Variants in ABCA4 observed in about 807,000 individuals in gnomAD.
ABCA4 encodes the protein ATP binding cassette subfamily A member 4.
In ABCA4, 196 loss-of-function variants were observed where a neutral mutation model predicts 263.7. That is an observed-to-expected ratio of 0.74 (90% CI 0.66 to 0.84). The LOEUF (loss-of-function observed/expected upper bound fraction) is 0.84, where lower values mean the gene tolerates loss of function less well. Ranked by LOEUF, ABCA4 falls within the 40% of genes least tolerant of loss-of-function variation. The probability of loss-of-function intolerance (pLI) is 0.00; values close to 1 mark genes in which losing one functional copy is unlikely to be tolerated. For missense variants in ABCA4, 2,792 were observed against 2,855.1 expected (o/e 0.98, Z 0.50); for synonymous variants, 1,133 against 1,094.2 (o/e 1.04, Z -0.70).
At position 94,050,675 on chromosome 1, in the gene ABCA4, T is replaced by TA. The variant is rs755228809; in HGVS notation, c.2653+957dup. Among the ~76,000 whole-genome samples, 154 of 151,786 alleles carry TA rather than the reference T, an allele frequency of 1.0e-3. 2 individuals carry two copies. The highest frequency in any genetic ancestry group is 2.1e-3 in the Non-Finnish European group (144 of 67,962). On this transcript the variant is annotated intron_variant, in intron 17 of 49. Coordinates refer to ENST00000370225, the MANE Select transcript of ABCA4 (RefSeq NM_000350.3). The stretch of plus-strand genomic sequence containing the variant: ...TTATTATATGATAATTTTATTATAG[T>TA]AAAAAATTAACAAGTTTACAGGTAG...
intron 11 of ABCA4, among the ~76,000 whole-genome samples, chr1:94,077,013 T>C (rs492220): frequency 0.26 from 38,897 of 152,156 alleles, 5,386 homozygotes; most frequent in Non-Finnish European, 0.31. Flanking sequence ...CCCTGGCTTC[T>C]CATCTGCAAA....
chr1:94,038,479 C>A (rs1195274749), intron 24 of ABCA4, among the ~76,000 whole-genome samples: 2 of 152,092 alleles, frequency 1.3e-5, no homozygotes, highest in African/African-American at 4.8e-5. Flanking sequence ...AAAAAATGAT[C>A]CATATGAAGG....
chr1:94,030,672 A>AGGACCCGACG, intron 28 of ABCA4, 146 bp from the exon 29 acceptor site: 1 of 854,664 alleles, frequency 1.2e-6, no homozygotes, highest in Non-Finnish European at 1.9e-6. Flanking sequence ...CTCTCCTGGG[A>AGGACCCGACG]GTGCGGTAGG....
chr1:94,116,031 C>T (rs1662748824), intron 1 of ABCA4, among the ~76,000 whole-genome samples: 1 of 152,186 alleles, frequency 6.6e-6, no homozygotes, highest in African/African-American at 2.4e-5. Context: ...AGTGCATTGT[C>T]ATCCTCCCTT....
intron 10 of ABCA4, 139 bp downstream of exon 10, chr1:94,078,451 G>T (rs1386034492): frequency 4.4e-6 from 3 of 677,358 alleles, no homozygotes; most frequent in Non-Finnish European, 7.8e-6. Flanking sequence ...TGGAATGAAG[G>T]CCTTTGGGGC....
At chr1:94,105,621 T>G (rs757217039) in intron 4 of ABCA4, among the ~76,000 whole-genome samples, 1 of 24,128 alleles carries the variant, frequency 4.1e-5, no homozygotes, top group Non-Finnish European at 7.9e-5. Context: ...GGCTTGGGGG[T>G]GGGGCTGCTG....
At position 94,030,489 on chromosome 1, in the gene ABCA4, CA is replaced by C. The variant is rs745544039; in HGVS notation, c.4290del (p.Ala1431GlnfsTer5). 1.2e-6 allele frequency: 2 copies of C among 1,614,234 alleles called. No homozygotes were observed. The highest frequency in any genetic ancestry group is 2.2e-5 in the South Asian group (2 of 91,086). On this transcript the variant is annotated frameshift_variant, in exon 29 of 50. Coordinates refer to ENST00000370225, the MANE Select transcript of ABCA4 (RefSeq NM_000350.3). LOFTEE classifies it high-confidence loss of function. ...CCTGGCTTATTCAGGAGGACGTCTG[CA>C]AGTACCGTGAACTGCTCACTGCCTG... The part of the protein sequence containing the change: ...DEPGSEQFTV[L>X]ADVLLNKPGF...
chr1:94,070,266 G>A (rs532640230), intron 11 of ABCA4, among the ~76,000 whole-genome samples: 172 of 152,270 alleles, frequency 1.1e-3, no homozygotes, highest in South Asian at 2.3e-3. Flanking sequence ...AAACAGCAAA[G>A]TTGCCTCCAA....
At chr1:94,091,868 C>T (rs1661978754) in intron 6 of ABCA4, among the ~76,000 whole-genome samples, 1 of 152,192 alleles carries the variant, frequency 6.6e-6, no homozygotes, top group Admixed American at 6.5e-5. Context: ...ATGATTCCGG[C>T]CCTAAGAGGT....
In ABCA4 at chr1:94,031,978, C is replaced by G; in HGVS notation, c.3928G>C (p.Ala1310Pro). 6.2e-7 allele frequency: 1 copy of G among 1,614,018 alleles called. No individual in the cohort carries two copies. Among genetic ancestry groups the G allele is most frequent in the Middle Eastern group, 1.6e-4 (1 of 6,062 alleles). The change falls in exon 27 of 50, where the codon GCT becomes CCT. Residue 1310 changes from alanine to proline, a missense_variant. Physicochemically the swap from Ala to Pro is conservative, Grantham distance 27. Coordinates refer to ENST00000370225, the MANE Select transcript of ABCA4 (RefSeq NM_000350.3). Reference sequence around the variant, plus strand: ...TTGGAGTCCTGGGGTGTCTGTCCAGCCTTCTCTCTGGGACCCAAGCAGGGG... The same window carrying G: ...TTGGAGTCCTGGGGTGTCTGTCCAGGCTTCTCTCTGGGACCCAAGCAGGGG... ...RHPCLGPREK[A>P]GQTPQDSNVC...
rs1661188241 is a variant in ABCA4 at position 94,063,586 on chromosome 1, T to C, written c.1555-269A>G. On this transcript the variant is annotated intron_variant, in intron 11 of 49. Transcript: ENST00000370225. Reference sequence around the variant, plus strand: ...ACCACACTTTCCAGATGTCCAAGGCTGTCCAAATATGCAAGTCTTCAAAAT... The same window carrying C: ...ACCACACTTTCCAGATGTCCAAGGCCGTCCAAATATGCAAGTCTTCAAAAT... Among the ~76,000 whole-genome samples, 4 of 152,242 alleles carry C rather than the reference T, an allele frequency of 2.6e-5. No individual in the cohort carries two copies. In the South Asian group the frequency reaches 8.3e-4, roughly 32 times the overall value.
At chr1:94,022,854 A>G (rs995875809) in intron 32 of ABCA4, among the ~76,000 whole-genome samples, 3 of 152,180 alleles carry the variant, frequency 2.0e-5, no homozygotes, top group African/African-American at 7.2e-5. Flanking sequence ...TGCCCAGGAA[A>G]GCACATACAT....
In ABCA4 at chr1:93,996,688, A is replaced by T. The variant is rs534246117; in HGVS notation, c.6730-493T>A. 5.3e-5 allele frequency among the ~76,000 whole-genome samples: 8 copies of T among 152,238 alleles called. No homozygotes were observed. In the South Asian group the frequency reaches 6.2e-4, roughly 12 times the overall value. Reference sequence around the variant, plus strand: ...ACTGTCTCTAAAGATGTTTATTTTTAAAAAAACATATATAAAAACACAAAA... The same window carrying T: ...ACTGTCTCTAAAGATGTTTATTTTTTAAAAAACATATATAAAAACACAAAA... On this transcript the variant is annotated intron_variant, in intron 48 of 49. Coordinates refer to ENST00000370225, the MANE Select transcript of ABCA4 (RefSeq NM_000350.3).
intron 37 of ABCA4, among the ~76,000 whole-genome samples, 155 bp from the exon 38 acceptor site, chr1:94,014,845 C>A (rs1659680118): frequency 1.3e-5 from 2 of 152,226 alleles, no homozygotes; most frequent in Admixed American, 1.3e-4. Context: ...TTGTTGGTCT[C>A]TGTGCCTCAA....
intron 30 of ABCA4, 59 bp downstream of exon 30, chr1:94,029,386 C>T: frequency 7.1e-7 from 1 of 1,406,342 alleles, no homozygotes. Flanking sequence ...ATACCAGGGA[C>T]TCCCCTAGTC....
rs1256178077 is a variant in ABCA4 at position 94,111,501 on chromosome 1, G to A, written c.239C>T (p.Pro80Leu). The change falls in exon 3 of 50, where the codon CCC (proline) becomes CTC (leucine). Residue 80 changes from proline to leucine, a missense_variant. By Grantham distance (98) the Pro-to-Leu change is moderately conservative. Coordinates refer to ENST00000370225, the MANE Select transcript of ABCA4 (RefSeq NM_000350.3). ...LQGIFCNVNN[P>L]CFQSPTPGES... ...TCCTGGGGTGGGGCTTTGAAAACAGGGATTGTTCACATTGCAGAAGATCCC... is the reference window on the plus strand; with the variant it reads ...TCCTGGGGTGGGGCTTTGAAAACAGAGATTGTTCACATTGCAGAAGATCCC... 4 of 1,614,030 alleles carry A rather than the reference G, an allele frequency of 2.5e-6. No homozygotes were observed. In the African/African-American group the frequency reaches 4.0e-5, roughly 16 times the overall value.
intron 26 of ABCA4, 149 bp from the exon 27 acceptor site, chr1:94,032,192 A>G (rs1334326408): frequency 2.0e-5 from 20 of 987,854 alleles, no homozygotes; most frequent in Non-Finnish European, 2.7e-5. Context: ...CATCTTTATA[A>G]AAATCTATTT....
chr1:94,076,503 C>T (rs1477299231), intron 11 of ABCA4, among the ~76,000 whole-genome samples: 1 of 152,076 alleles, frequency 6.6e-6, no homozygotes, highest in East Asian at 1.9e-4. Flanking sequence ...ACCAAAAGCG[C>T]TCTAATAAAT....
intron 24 of ABCA4, among the ~76,000 whole-genome samples, chr1:94,037,890 C>A (rs931865012): frequency 6.6e-6 from 1 of 152,154 alleles, no homozygotes; most frequent in African/African-American, 2.4e-5. Context: ...GGTTGTTTTT[C>A]ATTCTCATTC....
Sources: gnomAD v4.1 joint callset for allele counts (sites outside exome capture counted in the v4.1 genomes callset) on GRCh38, gnomAD v4.1.1 for gene constraint, MANE v1.5 for transcripts, NCBI Gene and HGNC (gene_info 2026-07-23, HGNC 2026-07-21) for gene names.